The following RYR1 variants were observed in gnomAD, a reference collection of about 807,000 sequenced individuals.
RYR1 encodes ryanodine receptor 1.
Under a neutral mutation model 583.5 loss-of-function variants are expected in RYR1, and 342 were observed. The ratio of observed to expected loss-of-function variants is 0.59; its 90% CI spans 0.54 to 0.64. RYR1 has a LOEUF of 0.64. Among genes scored for constraint, RYR1 ranks in the 30% least tolerant of loss-of-function variants. RYR1 has a pLI of 0.00. For synonymous variants in RYR1, 2,791 were observed against 2,822.5 expected (o/e 0.99, Z 0.35); for missense variants, 6,032 against 6,917.2 (o/e 0.87, Z 4.54).
chr19:38,561,393 G>T lies in RYR1; in HGVS notation c.12563G>T (p.Arg4188Leu), dbSNP rs749890987. The T allele has an allele frequency of 1.2e-6, 2 of 1,612,828 alleles. No individual in the cohort carries two copies. Among genetic ancestry groups the T allele is most frequent in the African/African-American group, 1.3e-5 (1 of 74,920 alleles). ...ATCGAGATCATGGGCGCGTCACGCC[G>T]CATCGAGCGCATCTACTTCGAGATC... ...GRIEIMGASR[R>L]IERIYFEISE... Residue 4188 changes from arginine to leucine, a missense_variant, in exon 90 of 106, where the codon CGC becomes CTC. By Grantham distance (102) the Arg-to-Leu change is moderately radical (BLOSUM62 -2). Around this residue, in one of 11 missense-constraint regions of RYR1, gnomAD observed 753 missense variants for 759.6 expected, o/e 0.99. Coordinates refer to ENST00000359596, the MANE Select transcript of RYR1 (RefSeq NM_000540.3). This position sits in a 1 kb window ranked among gnomAD's most constrained non-coding sequence, Gnocchi z 4.8.
chr19:38,521,011 A>G (rs1971204008), intron 67 of RYR1, among the ~76,000 whole-genome samples: 2 of 152,166 alleles, frequency 1.3e-5, no homozygotes, highest in Admixed American at 1.3e-4. Flanking sequence ...GCAGTGGCTT[A>G]CAACTGTAAT....
At chr19:38,498,872 T>C (rs940164710) in intron 42 of RYR1, among the ~76,000 whole-genome samples, 9 of 152,218 alleles carry the variant, frequency 5.9e-5, no homozygotes, top group Non-Finnish European at 1.2e-4. Flanking sequence ...TATCTTGTTC[T>C]GTGACTTAGA....
Position 38,452,803 on chromosome 19 carries a change from T to G in RYR1, c.1245-16T>G. ...AGCGCTCCCAGCCGTGGCTGACAGC[T>G]GCGAGGTCCCTGTAGGAGCCTGGAC... On this transcript the variant is annotated splice_polypyrimidine_tract_variant and intron_variant, in intron 12 of 105. Transcript: ENST00000359596. 8 of 1,567,098 alleles carry G rather than the reference T, an allele frequency of 5.1e-6. No individual in the cohort carries two copies. Among genetic ancestry groups the G allele is most frequent in the Non-Finnish European group, 6.1e-6 (7 of 1,155,772 alleles).
chr19:38,463,647 G>A lies in RYR1; in HGVS notation c.2683-100G>A. On this transcript the variant is annotated intron_variant, in intron 21 of 105. Coordinates refer to ENST00000359596, the MANE Select transcript of RYR1 (RefSeq NM_000540.3). ...GGCACCAGGGGGTCCTTGGACTGAG[G>A]GTGGCAGAACTAGGGTTGGAGGTCA... is the stretch of plus-strand genomic sequence containing the variant. 12 of 1,458,728 alleles carry A rather than the reference G, an allele frequency of 8.2e-6. No homozygotes were observed. In the South Asian group the frequency reaches 1.3e-4, roughly 15 times the overall value. The allele number at this position is 1,458,728 out of a possible 1,614,324, so 90.4% of individuals were successfully genotyped here.
chr19:38,554,174 C>T (rs1951695412), intron 89 of RYR1, among the ~76,000 whole-genome samples: 1 of 151,502 alleles, frequency 6.6e-6, no homozygotes, highest in South Asian at 2.1e-4. Flanking sequence ...GGGCCTAAAG[C>T]AATGCTGGCT....
At chr19:38,547,525 T>C (rs1331049303) in intron 88 of RYR1, among the ~76,000 whole-genome samples, 1 of 151,952 alleles carries the variant, frequency 6.6e-6, no homozygotes, top group East Asian at 1.9e-4. Flanking sequence ...AAGTTTTAGT[T>C]GTGTAAGCCC....
intron 28 of RYR1, among the ~76,000 whole-genome samples, chr19:38,474,067 G>A (rs578167340): frequency 7.2e-5 from 11 of 152,278 alleles, no homozygotes; most frequent in East Asian, 5.8e-4. Context: ...CTTATCATCC[G>A]TGGACACTAA....
At position 38,547,103 on chromosome 19, in the gene RYR1, G is replaced by A. The variant is rs192634335; in HGVS notation, c.12094+577G>A. On this transcript the variant is annotated intron_variant, in intron 88 of 105. Transcript: ENST00000359596. The stretch of plus-strand genomic sequence containing the variant: ...GCTCAGGCTGGAGGTGCGGTGGCGC[G>A]ATCTCGGCTCACTGCAAGCTCCGCC... 3.1e-4 allele frequency among the ~76,000 whole-genome samples: 47 copies of A among 150,264 alleles called. No individual in the cohort carries two copies. In the East Asian group the frequency reaches 9.3e-3, roughly 30 times the overall value.
At chr19:38,587,258 A>G (rs1218267590) in intron 105 of RYR1, 67 bp from the exon 106 acceptor site, 6 of 1,041,118 alleles carry the variant, frequency 5.8e-6, no homozygotes, top group Admixed American at 5.4e-5. Flanking sequence ...GTCTAAAAAT[A>G]TATATATATA....
intron 87 of RYR1, among the ~76,000 whole-genome samples, chr19:38,546,232 G>A (rs942051637): frequency 6.6e-5 from 10 of 151,678 alleles, no homozygotes; most frequent in African/African-American, 2.2e-4. Context: ...ATCACCTATC[G>A]AGCCCGTCCC....
At chr19:38,534,951 T>G in intron 79 of RYR1, 132 bp downstream of exon 79, 1 of 1,129,492 alleles carries the variant, frequency 8.9e-7, no homozygotes, top group Non-Finnish European at 1.3e-6. Flanking sequence ...CCCCAGCCCT[T>G]GCAGCTTCCC....
chr19:38,549,131 C>A (rs115889101), intron 89 of RYR1, among the ~76,000 whole-genome samples: 1 of 152,064 alleles, frequency 6.6e-6, no homozygotes, highest in East Asian at 1.9e-4. Flanking sequence ...ACTAACTAGA[C>A]CATTCCAAGT....
At chr19:38,505,260 T>G in intron 52 of RYR1, 49 bp from the exon 53 acceptor site, 2 of 1,379,230 alleles carry the variant, frequency 1.5e-6, no homozygotes, top group Non-Finnish European at 2.1e-6. Flanking sequence ...TCGCCCCGTG[T>G]GTCCCCAACT....
At chr19:38,585,479 T>C (rs1406728631) in intron 102 of RYR1, among the ~76,000 whole-genome samples, 1 of 149,026 alleles carries the variant, frequency 6.7e-6, no homozygotes, top group Non-Finnish European at 1.5e-5. Context: ...TATATATGTA[T>C]AATTTTTTTT....
chr19:38,460,655 AG>A, intron 20 of RYR1, 64 bp downstream of exon 20: 2 of 1,465,318 alleles, frequency 1.4e-6, no homozygotes, highest in Non-Finnish European at 9.4e-7. Flanking sequence ...GAGAGGGGGC[AG>A]GGTGCCATCG....
intron 37 of RYR1, among the ~76,000 whole-genome samples, chr19:38,491,825 T>G (rs1969564420): frequency 6.6e-6 from 1 of 152,192 alleles, no homozygotes; most frequent in African/African-American, 2.4e-5. Context: ...TCAGCTCAAA[T>G]ATGCTGTTGA....
chr19:38,460,621 C>A (rs143335342), intron 20 of RYR1, 30 bp downstream of exon 20: 3 of 1,588,326 alleles, frequency 1.9e-6, no homozygotes, highest in African/African-American at 2.7e-5. Context: ...GGTTTTCTGG[C>A]GAGGCAGGGT....
In RYR1 at chr19:38,528,398, G is replaced by A. The variant is rs371952058; in HGVS notation, c.10917G>A (p.Thr3639=). Residue 3639 remains threonine (T), a synonymous_variant, in exon 74 of 106, where the codon ACG becomes ACA. Coordinates refer to ENST00000359596, the MANE Select transcript of RYR1 (RefSeq NM_000540.3). ...RRAVVACFRM[T]PLYNLPTHRA... ...CAGTCGTGGCCTGTTTCCGTATGACGCCCCTGTACAACCTGCCCACGTAAG... is the reference window on the plus strand; with the variant it reads ...CAGTCGTGGCCTGTTTCCGTATGACACCCCTGTACAACCTGCCCACGTAAG... 2.1e-5 allele frequency: 34 copies of A among 1,613,984 alleles called. No individual in the cohort carries two copies. Among genetic ancestry groups the A allele is most frequent in the Admixed American group, 1.3e-4 (8 of 59,992 alleles).
chr19:38,575,665 T>G (rs534544857), intron 96 of RYR1, among the ~76,000 whole-genome samples: 3 of 151,898 alleles, frequency 2.0e-5, no homozygotes, highest in Admixed American at 1.3e-4. Flanking sequence ...TAGCCGGGCG[T>G]GGTGGTGGGC....
Sources: allele counts gnomAD v4.1 joint callset (sites outside exome capture counted in the v4.1 genomes callset), GRCh38; gene constraint gnomAD v4.1.1; regional missense constraint gnomAD v4.1.1; non-coding constraint Gnocchi (gnomAD v3.1); transcripts MANE v1.5; gene names NCBI Gene and HGNC (gene_info 2026-07-23, HGNC 2026-07-21).